The following PTPRC variants were observed in gnomAD, a reference collection of about 807,000 sequenced individuals.
The protein encoded by PTPRC is protein tyrosine phosphatase receptor type C, also known as receptor-type tyrosine-protein phosphatase C.
A neutral mutation model predicts 155.9 loss-of-function variants in PTPRC; 44 were observed. The ratio of observed to expected loss-of-function variants is 0.28; its 90% CI spans 0.22 to 0.36. PTPRC has a LOEUF of 0.36. Ranked by LOEUF, PTPRC falls within the 10% of genes least tolerant of loss-of-function variation. PTPRC has a pLI of 1.00. For synonymous variants in PTPRC, 525 were observed against 533.1 expected (o/e 0.98, Z 0.21); for missense variants, 1,401 against 1,564.6 (o/e 0.90, Z 1.76).
chr1:198,712,368 C>T (rs529058243), intron 11 of PTPRC, among the ~76,000 whole-genome samples: 22 of 152,278 alleles, frequency 1.4e-4, no homozygotes, highest in African/African-American at 5.3e-4. Context: ...GGAAGTACCA[C>T]AGAAGGACAT....
At chr1:198,714,537 T>G (rs1653475920) in intron 12 of PTPRC, among the ~76,000 whole-genome samples, 1 of 152,184 alleles carries the variant, frequency 6.6e-6, no homozygotes, top group Non-Finnish European at 1.5e-5. Context: ...GCTATCAGGC[T>G]GTGTGTTTTC....
intron 2 of PTPRC, among the ~76,000 whole-genome samples, chr1:198,666,127 A>G (rs12047480): frequency 0.39 from 58,793 of 151,306 alleles, 11,931 homozygotes; most frequent in East Asian, 0.71. Flanking sequence ...CAGCTACTTG[A>G]GAGGCTGAGG....
intron 3 of PTPRC, chr1:198,692,726 A>G (rs1294149801): frequency 1.1e-6 from 1 of 913,308 alleles, no homozygotes; most frequent in East Asian, 1.1e-4. Flanking sequence ...AAAGCAGGTT[A>G]ACAGCTGTCT....
chr1:198,699,510 T>A, intron 4 of PTPRC, 54 bp from the exon 5 acceptor site: 1 of 1,605,734 alleles, frequency 6.2e-7, no homozygotes, highest in Non-Finnish European at 8.5e-7. Context: ...CTTAGTAAAT[T>A]ATTCATCTCC....
At chr1:198,688,950 C>A (rs1665778902) in intron 2 of PTPRC, among the ~76,000 whole-genome samples, 1 of 152,062 alleles carries the variant, frequency 6.6e-6, no homozygotes, top group African/African-American at 2.4e-5. Context: ...CTTTTCTAAG[C>A]TTCTTAGGGT....
At chr1:198,663,091 G>A (rs1664076590) in intron 2 of PTPRC, among the ~76,000 whole-genome samples, 1 of 152,142 alleles carries the variant, frequency 6.6e-6, no homozygotes, top group African/African-American at 2.4e-5. Context: ...TTTCTGACGA[G>A]TCTATGATTA....
chr1:198,754,443 T>A (rs76470138), intron 32 of PTPRC, 39 bp downstream of exon 32: 1 of 1,566,808 alleles, frequency 6.4e-7, no homozygotes, highest in Non-Finnish European at 8.7e-7. Flanking sequence ...ATGCTCGGAA[T>A]TTTTTTTTTC....
chr1:198,716,513 C>T (rs1262207457), intron 12 of PTPRC, among the ~76,000 whole-genome samples, 169 bp from the exon 13 acceptor site: 1 of 152,182 alleles, frequency 6.6e-6, no homozygotes, highest in Non-Finnish European at 1.5e-5. Context: ...GTTCAATACA[C>T]TGGCTGATAA....
Position 198,702,403 on chromosome 1 carries a change from G to C in PTPRC, c.456G>C (p.Arg152Ser). 6.2e-7 allele frequency: 1 copy of C among 1,614,186 alleles called. No individual in the cohort carries two copies. Among genetic ancestry groups the C allele is most frequent in the Non-Finnish European group, 8.5e-7 (1 of 1,180,036 alleles). Residue 152 changes from arginine to serine, a missense_variant, in exon 6 of 33, where the codon AGG becomes AGC. Physicochemically the swap from Arg to Ser is moderately radical, Grantham distance 110. Transcript: ENST00000442510. Reference protein sequence around the residue: ...SNAISDVPGERSTASTFPTDP... With the variant: ...SNAISDVPGESSTASTFPTDP... ...TGATTGCAGATGTCCCAGGAGAGAG[G>C]AGTACAGCCAGCACCTTTCCTACAG... is the stretch of plus-strand genomic sequence containing the variant.
intron 3 of PTPRC, chr1:198,693,270 A>G (rs1052370261): frequency 5.3e-6 from 3 of 566,592 alleles, no homozygotes; most frequent in African/African-American, 4.1e-5. Context: ...TAAGAACTAT[A>G]TTTCCTTATT....
chr1:198,695,050 C>T, intron 3 of PTPRC: 5 of 928,996 alleles, frequency 5.4e-6, no homozygotes, highest in South Asian at 5.0e-5. Flanking sequence ...TTTCTGTAAT[C>T]ACAGAATAGT....
chr1:198,743,172 ACT>A (rs1211931305), intron 25 of PTPRC, among the ~76,000 whole-genome samples: 1 of 151,612 alleles, frequency 6.6e-6, no homozygotes. Flanking sequence ...GGACATGTGA[ACT>A]CTCTGTACAA....
chr1:198,686,954 A>G (rs1381302938), intron 2 of PTPRC, among the ~76,000 whole-genome samples: 9 of 152,072 alleles, frequency 5.9e-5, no homozygotes, highest in Non-Finnish European at 1.5e-5. Flanking sequence ...GTCTAAATGG[A>G]TAGGTCATGA....
At chr1:198,640,107 C>A (rs1360169501) in intron 2 of PTPRC, among the ~76,000 whole-genome samples, 1 of 151,868 alleles carries the variant, frequency 6.6e-6, no homozygotes, top group African/African-American at 2.4e-5. Flanking sequence ...AGTTGGACTT[C>A]CAGTGCCTAT....
At position 198,709,786 on chromosome 1, in the gene PTPRC, T is replaced by A. The variant is rs2102419536; in HGVS notation, c.1133T>A (p.Phe378Tyr). 6.2e-7 allele frequency: 1 copy of A among 1,612,690 alleles called. No individual in the cohort carries two copies. The highest frequency in any genetic ancestry group is 1.1e-5 in the South Asian group (1 of 90,850). ...DSEILYNNHK[F>Y]TNASKIIKTD... ...GAAATACTCTATAATAACCACAAGT[T>A]TACTAACGCAAGTAAAATTATTAAA... is the stretch of plus-strand genomic sequence containing the variant. Residue 378 changes from phenylalanine to tyrosine, a missense_variant, in exon 11 of 33, where the codon TTT (phenylalanine) becomes TAT (tyrosine). Around this residue, in one of 3 missense-constraint regions of PTPRC, gnomAD observed 867 missense variants for 970.4 expected, o/e 0.89. Coordinates refer to ENST00000442510, the MANE Select transcript of PTPRC (RefSeq NM_002838.5).
At chr1:198,749,287 T>C in intron 27 of PTPRC, 129 bp from the exon 28 acceptor site, 1 of 901,052 alleles carries the variant, frequency 1.1e-6, no homozygotes, top group Non-Finnish European at 1.7e-6. Context: ...TAGGATCTTA[T>C]TTCATGTAGA....
At chr1:198,685,268 C>T (rs373514872) in intron 2 of PTPRC, among the ~76,000 whole-genome samples, 3 of 152,012 alleles carry the variant, frequency 2.0e-5, no homozygotes, top group East Asian at 1.9e-4. Flanking sequence ...GCACTTTCCT[C>T]GTGTGTGCCT....
chr1:198,688,652 T>A (rs1665764241), intron 2 of PTPRC, among the ~76,000 whole-genome samples: 1 of 152,230 alleles, frequency 6.6e-6, no homozygotes, highest in South Asian at 2.1e-4. Flanking sequence ...TATCTATTTT[T>A]AGGGTCAAGG....
chr1:198,731,689 T>C lies in PTPRC; in HGVS notation c.1937T>C (p.Ile646Thr), dbSNP rs781031345. ...TTGTTGGAAACTTATAAGAGGAAGA[T>C]TGCTGATGAAGGAAGACTTTTTCTG... ...DILLETYKRKIADEGRLFLAE... is the reference protein window; with the variant it reads ...DILLETYKRKTADEGRLFLAE... Residue 646 changes from isoleucine (I) to threonine (T), a missense_variant, in exon 18 of 33, where the codon ATT becomes ACT. Physicochemically the swap from Ile to Thr is moderately conservative, Grantham distance 89 (BLOSUM62 -1). Transcript: ENST00000442510. 4 of 1,611,100 alleles carry C rather than the reference T, an allele frequency of 2.5e-6. No individual in the cohort carries two copies. Among genetic ancestry groups the C allele is most frequent in the Non-Finnish European group, 3.4e-6 (4 of 1,177,702 alleles).
Sources: allele counts gnomAD v4.1 joint callset (sites outside exome capture counted in the v4.1 genomes callset), GRCh38; gene constraint gnomAD v4.1.1; regional missense constraint gnomAD v4.1.1; transcripts MANE v1.5; gene names NCBI Gene and HGNC (gene_info 2026-07-23, HGNC 2026-07-21).